Variants in SPIDR observed in about 807,000 individuals in gnomAD.
SPIDR encodes the protein DNA repair-scaffolding protein.
In SPIDR, 93 loss-of-function variants were observed where a neutral mutation model predicts 104.6. The ratio of observed to expected loss-of-function variants is 0.89; its 90% CI spans 0.75 to 1.06. The LOEUF (loss-of-function observed/expected upper bound fraction) is 1.06, where lower values mean the gene tolerates loss of function less well. SPIDR is among the 50% of genes least tolerant of loss of function. SPIDR has a pLI of 0.00. For missense variants in SPIDR, 1,154 were observed against 1,111.2 expected (o/e 1.04, Z -0.55); for synonymous variants, 431 against 416.9 (o/e 1.03, Z -0.41).
intron 10 of SPIDR, among the ~76,000 whole-genome samples, chr8:47,648,261 C>T (rs2070942838): frequency 6.6e-6 from 1 of 152,068 alleles, no homozygotes; most frequent in South Asian, 2.1e-4. Flanking sequence ...CAGAAGGATT[C>T]TAAGGTTTGG....
chr8:47,542,127 GGAA>G (rs775406728), intron 8 of SPIDR, among the ~76,000 whole-genome samples: 5 of 151,340 alleles, frequency 3.3e-5, no homozygotes, highest in Non-Finnish European at 5.9e-5. Context: ...AGTTAATTAA[GGAA>G]GAAGATTTCT....
chr8:47,368,343 C>CAAAAAAAAAA (rs34106189), intron 5 of SPIDR, among the ~76,000 whole-genome samples: 3 of 49,404 alleles, frequency 6.1e-5, no homozygotes, highest in African/African-American at 2.0e-4. Context: ...GTTGAGAAGT[C>CAAAAAAAAAA]AAAAAAAAAA....
intron 5 of SPIDR, among the ~76,000 whole-genome samples, chr8:47,359,681 G>A (rs190212191): frequency 5.3e-4 from 81 of 152,250 alleles, no homozygotes; most frequent in African/African-American, 1.8e-3. Context: ...TCTATAGCGG[G>A]TAGAGAGCAT....
intron 1 of SPIDR, among the ~76,000 whole-genome samples, chr8:47,274,616 C>A (rs925406392): frequency 3.3e-5 from 5 of 150,816 alleles, no homozygotes; most frequent in Non-Finnish European, 5.9e-5. Context: ...CTCGCTCTAT[C>A]ACCCATGCTA....
intron 8 of SPIDR, among the ~76,000 whole-genome samples, chr8:47,490,667 T>TA (rs1286330477): frequency 1.3e-5 from 2 of 152,080 alleles, no homozygotes; most frequent in Admixed American, 1.3e-4. Context: ...TATGTAGCCA[T>TA]AAAAAAGGAT....
At chr8:47,356,443 T>G (rs1189836201) in intron 5 of SPIDR, among the ~76,000 whole-genome samples, 1 of 152,168 alleles carries the variant, frequency 6.6e-6, no homozygotes, top group African/African-American at 2.4e-5. Context: ...ATATGTCTCC[T>G]GATATAATCA....
chr8:47,261,082 G>A lies in SPIDR; in HGVS notation c.33+91G>A, dbSNP rs1006107275. On this transcript the variant is annotated intron_variant, in intron 1 of 19. Coordinates refer to ENST00000297423, the MANE Select transcript of SPIDR (RefSeq NM_001080394.4). ...GCGGGGCTGGCCCCGTTGTGCTGGG[G>A]TGAGAGAGGGTGGGCGTTGGGGGTG... 4.2e-6 allele frequency: 5 copies of A among 1,200,742 alleles called. No homozygotes were observed. In the African/African-American group the frequency reaches 4.7e-5, roughly 11 times the overall value. 74.4% of individuals were successfully genotyped at this position (1,200,742 alleles called of 1,614,324 possible).
intron 9 of SPIDR, among the ~76,000 whole-genome samples, chr8:47,597,362 C>T (rs1347867392): frequency 6.6e-6 from 1 of 152,130 alleles, no homozygotes. Flanking sequence ...GCTATCCCTA[C>T]CCCTTTCCCC....
At chr8:47,394,429 A>G (rs1441779278) in intron 5 of SPIDR, among the ~76,000 whole-genome samples, 1 of 152,066 alleles carries the variant, frequency 6.6e-6, no homozygotes, top group East Asian at 1.9e-4. Context: ...TTATTTGTTG[A>G]CTTATTTCTA....
intron 5 of SPIDR, among the ~76,000 whole-genome samples, chr8:47,307,695 T>C (rs2043341496): frequency 6.6e-6 from 1 of 151,694 alleles, no homozygotes; most frequent in Non-Finnish European, 1.5e-5. Context: ...TGTGCCACCA[T>C]GCCCGGCTAA....
intron 8 of SPIDR, among the ~76,000 whole-genome samples, chr8:47,470,771 G>C (rs186291771): frequency 6.6e-6 from 1 of 151,884 alleles, no homozygotes; most frequent in Admixed American, 6.5e-5. Context: ...GTCTGGCTCT[G>C]TAGCCCAGGC....
intron 8 of SPIDR, among the ~76,000 whole-genome samples, chr8:47,508,466 C>A (rs2081820961): frequency 6.6e-6 from 1 of 152,166 alleles, no homozygotes; most frequent in African/African-American, 2.4e-5. Context: ...CTGCACAGGG[C>A]TGCACACACA....
intron 8 of SPIDR, among the ~76,000 whole-genome samples, chr8:47,538,857 C>CTTTTTT (rs1161571829): frequency 3.6e-3 from 360 of 100,834 alleles, no homozygotes; most frequent in Non-Finnish European, 4.7e-3. Context: ...TTTTTCTTTT[C>CTTTTTT]TTTTTTTTTT....
At position 47,406,354 on chromosome 8, in the gene SPIDR, A is replaced by G. The variant is rs190541128; in HGVS notation, c.777-1507A>G. ...CAGATGTTTAACATCTTGGTGCCTC[A>G]GTTTGTCATCTATAAAGTGGAATAA... On this transcript the variant is annotated intron_variant, in intron 6 of 19. Coordinates refer to ENST00000297423, the MANE Select transcript of SPIDR (RefSeq NM_001080394.4). Among the ~76,000 whole-genome samples, 2 of 152,270 alleles carry G rather than the reference A, an allele frequency of 1.3e-5. 1 individual carries two copies. The highest frequency in any genetic ancestry group is 3.9e-4 in the East Asian group (2 of 5,168).
chr8:47,536,133 CTGA>C (rs1213169381), intron 8 of SPIDR, among the ~76,000 whole-genome samples: 1 of 151,670 alleles, frequency 6.6e-6, no homozygotes, highest in Non-Finnish European at 1.5e-5. Flanking sequence ...GTACAAAATT[CTGA>C]TGAAGAAATC....
chr8:47,713,018 C>T, intron 15 of SPIDR, 146 bp downstream of exon 15: 2 of 1,424,028 alleles, frequency 1.4e-6, no homozygotes, highest in Non-Finnish European at 1.8e-6. Context: ...CATGTACCAG[C>T]CTCCAGCCTT....
chr8:47,431,139 G>A (rs1299191403), intron 7 of SPIDR, among the ~76,000 whole-genome samples: 1 of 152,200 alleles, frequency 6.6e-6, no homozygotes, highest in Non-Finnish European at 1.5e-5. Context: ...CCCTTTTACT[G>A]GTTTTAGGCA....
intron 10 of SPIDR, chr8:47,660,977 C>T (rs1190089626): frequency 3.0e-6 from 3 of 985,156 alleles, no homozygotes; most frequent in Non-Finnish European, 3.6e-6. Context: ...GGGTGTGAAA[C>T]AAATTCACAT....
intron 10 of SPIDR, chr8:47,659,801 A>T (rs1249586218): frequency 2.3e-6 from 2 of 862,810 alleles, no homozygotes; most frequent in Non-Finnish European, 2.8e-6. Flanking sequence ...GTAAGAGATT[A>T]TAAAGTGGAG....
Sources: allele counts gnomAD v4.1 joint callset (sites outside exome capture counted in the v4.1 genomes callset), GRCh38; gene constraint gnomAD v4.1.1; transcripts MANE v1.5; gene names NCBI Gene and HGNC (gene_info 2026-07-23, HGNC 2026-07-21).